Variants in LRP1B observed in about 807,000 individuals in gnomAD.
LRP1B encodes low-density lipoprotein receptor-related protein 1B.
A neutral mutation model predicts 556.6 loss-of-function variants in LRP1B; 217 were observed. That is an observed-to-expected ratio of 0.39 (90% CI 0.35 to 0.44). The LOEUF (loss-of-function observed/expected upper bound fraction) is 0.44. LRP1B is among the 20% of genes least tolerant of loss of function. The pLI, the probability that LRP1B is intolerant of heterozygous loss-of-function variation, is 1.00. For missense variants in LRP1B, 5,053 were observed against 5,620.8 expected (o/e 0.90, Z 3.23); for synonymous variants, 2,047 against 1,865.8 (o/e 1.10, Z -2.50).
At chr2:141,464,649 G>A (rs1470435967) in intron 3 of LRP1B, among the ~76,000 whole-genome samples, 2 of 135,874 alleles carry the variant, frequency 1.5e-5, no homozygotes, top group African/African-American at 2.8e-5. Context: ...AGCCAGGATG[G>A]TCTCTATCTC....
chr2:140,555,864 A>G (rs1680712863), intron 43 of LRP1B, among the ~76,000 whole-genome samples: 1 of 152,084 alleles, frequency 6.6e-6, no homozygotes, highest in African/African-American at 2.4e-5. Context: ...AGTTCTACTA[A>G]GGGTACAAAG....
chr2:140,921,895 G>A (rs917398170), intron 21 of LRP1B, among the ~76,000 whole-genome samples: 1 of 146,024 alleles, frequency 6.8e-6, no homozygotes, highest in Non-Finnish European at 1.5e-5. Flanking sequence ...GGCTTTCACA[G>A]TGTTTTCTTA....
chr2:140,822,362 C>G (rs1249800322), intron 31 of LRP1B, among the ~76,000 whole-genome samples: 1 of 152,198 alleles, frequency 6.6e-6, no homozygotes, highest in Non-Finnish European at 1.5e-5. Flanking sequence ...TGCAATTACT[C>G]AGTCTTTAGT....
At chr2:141,383,372 A>G (rs144807776) in intron 3 of LRP1B, among the ~76,000 whole-genome samples, 10 of 152,334 alleles carry the variant, frequency 6.6e-5, no homozygotes, top group African/African-American at 2.4e-4. Context: ...TATATATCCA[A>G]AGGAAAAAAA....
At position 140,358,812 on chromosome 2, in the gene LRP1B, T is replaced by G. The variant is rs2105137693; in HGVS notation, c.11257+9A>C. 1 of 1,606,348 alleles carries G rather than the reference T, an allele frequency of 6.2e-7. No individual in the cohort carries two copies. The highest frequency in any genetic ancestry group is 8.5e-7 in the Non-Finnish European group (1 of 1,174,470). ...CATCACTGAATTATTTCACATTAAA[T>G]GCATTTACCACCACAGTGATCTTCA... On this transcript the variant is annotated intron_variant, in intron 73 of 90. Transcript: ENST00000389484.
At chr2:140,908,236 G>A (rs1322961887) in intron 21 of LRP1B, among the ~76,000 whole-genome samples, 159 bp from the exon 22 acceptor site, 2 of 151,524 alleles carry the variant, frequency 1.3e-5, no homozygotes, top group Non-Finnish European at 2.9e-5. Context: ...TTTCATGACA[G>A]CATTTGAATA....
At chr2:142,114,781 G>A (rs1707123029) in intron 1 of LRP1B, among the ~76,000 whole-genome samples, 1 of 152,056 alleles carries the variant, frequency 6.6e-6, no homozygotes, top group South Asian at 2.1e-4. Context: ...ATGAAGAGTA[G>A]CTGGTTAATG....
At chr2:141,227,203 A>G (rs1376429452) in intron 6 of LRP1B, among the ~76,000 whole-genome samples, 1 of 152,232 alleles carries the variant, frequency 6.6e-6, no homozygotes, top group African/African-American at 2.4e-5. Context: ...TATATTAAAG[A>G]AGAGAAGACA....
chr2:140,308,418 T>C (rs1333602336), intron 83 of LRP1B, among the ~76,000 whole-genome samples: 1 of 151,860 alleles, frequency 6.6e-6, no homozygotes, highest in East Asian at 1.9e-4. Flanking sequence ...CCTTCTGAGC[T>C]TTCTGTGACA....
At chr2:141,382,548 G>C (rs79196296) in intron 3 of LRP1B, among the ~76,000 whole-genome samples, 1 of 152,136 alleles carries the variant, frequency 6.6e-6, no homozygotes, top group Admixed American at 6.5e-5. Flanking sequence ...ACCTGCCAGC[G>C]CAGAGGCCTG....
intron 41 of LRP1B, among the ~76,000 whole-genome samples, chr2:140,664,103 T>A (rs2105345425): frequency 6.6e-6 from 1 of 152,320 alleles, no homozygotes; most frequent in African/African-American, 2.4e-5. Context: ...GTGCAGTTTG[T>A]GGTGCCTCAA....
chr2:141,998,101 T>A (rs1478441681), intron 1 of LRP1B, among the ~76,000 whole-genome samples: 2 of 152,188 alleles, frequency 1.3e-5, no homozygotes, highest in Non-Finnish European at 2.9e-5. Flanking sequence ...CATGGCTTAG[T>A]CTCATGACAT....
intron 6 of LRP1B, among the ~76,000 whole-genome samples, chr2:141,208,719 A>G (rs958195961): frequency 6.6e-6 from 1 of 151,638 alleles, no homozygotes; most frequent in African/African-American, 2.4e-5. Context: ...AATACAAAAA[A>G]TTAGCTGGGC....
chr2:141,531,678 T>C lies in LRP1B; in HGVS notation c.206-51145A>G, dbSNP rs141641144. Among the ~76,000 whole-genome samples the C allele has an allele frequency of 2.0e-3, 303 of 152,230 alleles. 1 individual carries two copies. The highest frequency in any genetic ancestry group is 7.0e-3 in the African/African-American group (290 of 41,556). On this transcript the variant is annotated intron_variant, in intron 2 of 90. Transcript: ENST00000389484. Reference sequence around the variant, plus strand: ...TTTTGATCTGTTTTGCAAAACAAACTCATCATGTTACATAAGGATGGATTA... The same window carrying C: ...TTTTGATCTGTTTTGCAAAACAAACCCATCATGTTACATAAGGATGGATTA...
At chr2:141,315,882 CTTTTTTTTTTTTTTTTTT>C (rs70991157) in intron 3 of LRP1B, among the ~76,000 whole-genome samples, 18 of 18,140 alleles carry the variant, frequency 9.9e-4, no homozygotes, top group Middle Eastern at 0.038. Flanking sequence ...TTAGTCTGGT[CTTTTTTTTTTTTTTTTTT>C]TTTTTTTTTT....
At chr2:141,513,988 C>T (rs1395699301) in intron 2 of LRP1B, among the ~76,000 whole-genome samples, 1 of 152,136 alleles carries the variant, frequency 6.6e-6, no homozygotes, top group African/African-American at 2.4e-5. Context: ...AACAGTCATA[C>T]CAGAAGCAGG....
chr2:140,650,191 T>G (rs1488403419), intron 41 of LRP1B, among the ~76,000 whole-genome samples: 3 of 151,844 alleles, frequency 2.0e-5, no homozygotes, highest in Non-Finnish European at 4.4e-5. Flanking sequence ...GATACTTATT[T>G]GAATGTTTTA....
At chr2:140,952,001 C>G (rs560431228) in intron 18 of LRP1B, 61 bp from the exon 19 acceptor site, 3 of 1,173,014 alleles carry the variant, frequency 2.6e-6, no homozygotes, top group Non-Finnish European at 3.8e-6. Context: ...TGACATAATT[C>G]GTATCATCTG....
rs535500526 is a variant in LRP1B, at chr2:140,345,449, G to A, written c.11892+5348C>T. 4.0e-5 allele frequency among the ~76,000 whole-genome samples: 6 copies of A among 151,274 alleles called. No individual in the cohort carries two copies. In the South Asian group the frequency reaches 1.2e-3, roughly 31 times the overall value. ...CTTATTTATTTTCTCTTAATGCACT[G>A]TATTTATTTTCTCTTAATGCACTGG... On this transcript the variant is annotated intron_variant, in intron 77 of 90. Coordinates refer to ENST00000389484, the MANE Select transcript of LRP1B (RefSeq NM_018557.3).
Sources: gnomAD v4.1 joint callset for allele counts (sites outside exome capture counted in the v4.1 genomes callset) on GRCh38, gnomAD v4.1.1 for gene constraint, MANE v1.5 for transcripts, NCBI Gene and HGNC (gene_info 2026-07-23, HGNC 2026-07-21) for gene names.